The following ASTN2 variants were observed in gnomAD, a reference collection of about 807,000 sequenced individuals.
ASTN2 encodes the protein astrotactin 2, also known as astrotactin-2.
A neutral mutation model predicts 139.8 loss-of-function variants in ASTN2; 54 were observed. That is an observed-to-expected ratio of 0.39 (90% CI 0.31 to 0.48). The LOEUF is 0.48. ASTN2 is among the 20% of genes least tolerant of loss of function. ASTN2 has a pLI of 0.95. For synonymous variants in ASTN2, 756 were observed against 719.5 expected (o/e 1.05, Z -0.81); for missense variants, 1,565 against 1,725.1 (o/e 0.91, Z 1.64).
intron 13 of ASTN2, among the ~76,000 whole-genome samples, chr9:116,735,576 T>C (rs987737727): frequency 6.6e-6 from 1 of 152,206 alleles, no homozygotes; most frequent in African/African-American, 2.4e-5. Flanking sequence ...AGATTGATGT[T>C]TCCCCTTGTC....
intron 2 of ASTN2, among the ~76,000 whole-genome samples, chr9:117,226,102 A>C (rs897278502): frequency 1.3e-5 from 2 of 152,344 alleles, no homozygotes; most frequent in African/African-American, 4.8e-5. Context: ...AGAGAAAGTG[A>C]GGATAAAAAA....
At chr9:117,247,887 T>G (rs1287010573) in intron 2 of ASTN2, among the ~76,000 whole-genome samples, 2 of 152,180 alleles carry the variant, frequency 1.3e-5, no homozygotes, top group African/African-American at 4.8e-5. Flanking sequence ...CTGTTAGTAG[T>G]GACAATCCCT....
intron 16 of ASTN2, among the ~76,000 whole-genome samples, chr9:116,660,214 T>C (rs1243576889): frequency 6.9e-6 from 1 of 145,232 alleles, no homozygotes; most frequent in Admixed American, 7.0e-5. Context: ...ATTTGGGGAA[T>C]GGAAAGAAAA....
chr9:117,218,421 G>T (rs1832404288), intron 2 of ASTN2, among the ~76,000 whole-genome samples: 1 of 152,156 alleles, frequency 6.6e-6, no homozygotes, highest in South Asian at 2.1e-4. Context: ...TTTATTGCAA[G>T]AACTTGGTCA....
chr9:116,640,710 G>GT (rs542933804), intron 17 of ASTN2, among the ~76,000 whole-genome samples: 172 of 152,294 alleles, frequency 1.1e-3, no homozygotes, highest in Non-Finnish European at 1.7e-3. Flanking sequence ...AAGGACTTTG[G>GT]TTTTTATCTT....
intron 5 of ASTN2, among the ~76,000 whole-genome samples, chr9:117,070,824 C>T (rs1828097701): frequency 6.6e-6 from 1 of 151,754 alleles, no homozygotes; most frequent in African/African-American, 2.4e-5. Context: ...CTTCTGCATT[C>T]TTCACGTAGC....
intron 19 of ASTN2, chr9:116,546,660 G>A (rs564896595): frequency 6.6e-5 from 10 of 152,270 alleles, no homozygotes; most frequent in Admixed American, 5.2e-4. Flanking sequence ...TTGCCTCTTG[G>A]AACATTATAA....
At chr9:117,008,060 C>G in intron 7 of ASTN2, 32 bp downstream of exon 7, 1 of 1,537,622 alleles carries the variant, frequency 6.5e-7, no homozygotes, top group Non-Finnish European at 8.8e-7. Flanking sequence ...CCTCTCCCAC[C>G]TTCTATCCCC....
intron 3 of ASTN2, among the ~76,000 whole-genome samples, chr9:117,204,200 C>T (rs960932856): frequency 6.6e-6 from 1 of 152,162 alleles, no homozygotes; most frequent in Non-Finnish European, 1.5e-5. Flanking sequence ...GTGTAGCCTC[C>T]CTGGCTCCAC....
chr9:116,818,147 A>G (rs567721661), intron 12 of ASTN2, among the ~76,000 whole-genome samples: 6 of 152,348 alleles, frequency 3.9e-5, no homozygotes, highest in African/African-American at 1.4e-4. Flanking sequence ...CAAAGCACTT[A>G]GAACAGTCAT....
intron 7 of ASTN2, among the ~76,000 whole-genome samples, chr9:116,999,148 T>A (rs181700260): frequency 6.6e-5 from 10 of 152,354 alleles, no homozygotes; most frequent in Admixed American, 5.2e-4. Context: ...CAATTTGCTA[T>A]AAATGCCATT....
At chr9:116,513,165 T>C (rs1850478885) in intron 19 of ASTN2, among the ~76,000 whole-genome samples, 1 of 152,236 alleles carries the variant, frequency 6.6e-6, no homozygotes, top group Admixed American at 6.5e-5. Context: ...TGTTTAGTTC[T>C]TCTTTCAGGA....
chr9:116,704,357 AAATCATCCCC>A lies in ASTN2; in HGVS notation c.2806+21404_2806+21413del, dbSNP rs551594029. On this transcript the variant is annotated intron_variant, in intron 16 of 22. Transcript: ENST00000313400. ...GAACAACAACATCAACAAAAAACCC[AAATCATCCCC>A]AACTTGATATAATTGCTTCTCTACC... is the stretch of plus-strand genomic sequence containing the variant. Among the ~76,000 whole-genome samples, 1,072 of 152,318 alleles carry A rather than the reference AAATCATCCCC, an allele frequency of 7.0e-3. 6 individuals carry two copies. The highest frequency in any genetic ancestry group is 0.011 in the Non-Finnish European group (729 of 68,026).
intron 22 of ASTN2, among the ~76,000 whole-genome samples, chr9:116,434,014 C>T (rs1043739957): frequency 1.3e-5 from 2 of 152,060 alleles, no homozygotes; most frequent in South Asian, 2.1e-4. Flanking sequence ...TATATACTGT[C>T]GGTGGGGAAA....
At position 117,008,169 on chromosome 9, in the gene ASTN2, G is replaced by T; in HGVS notation, c.1514C>A (p.Ala505Asp). Residue 505 changes from alanine to aspartate, a missense_variant, in exon 7 of 23, where the codon GCC becomes GAC. Physicochemically the swap from Ala to Asp is moderately radical, Grantham distance 126. Around this residue, in one of 4 missense-constraint regions of ASTN2, gnomAD observed 503 missense variants for 591.7 expected, o/e 0.85. Transcript: ENST00000313400. ...GAGGTCCCTCACCCATGGGGAGGTG[G>T]CATTGATCTGGTAATACAGGGAAAG... ...AKLSLYYQIN[A>D]TSPWVRDLCG... 1 of 1,611,190 alleles carries T rather than the reference G, an allele frequency of 6.2e-7. No individual in the cohort carries two copies. Among genetic ancestry groups the T allele is most frequent in the Non-Finnish European group, 8.5e-7 (1 of 1,178,654 alleles).
At chr9:116,980,070 G>A (rs552514529) in intron 7 of ASTN2, among the ~76,000 whole-genome samples, 5 of 152,252 alleles carry the variant, frequency 3.3e-5, no homozygotes, top group East Asian at 3.9e-4. Flanking sequence ...CCTGGAGAAC[G>A]GAAAGTAGGC....
intron 10 of ASTN2, among the ~76,000 whole-genome samples, chr9:116,931,317 A>T (rs1241270701): frequency 6.6e-6 from 1 of 151,866 alleles, no homozygotes. Flanking sequence ...GTGGGTGGGG[A>T]TGGGGAGGTT....
At chr9:116,726,032 C>A in intron 15 of ASTN2, 82 bp from the exon 16 acceptor site, 1 of 1,406,130 alleles carries the variant, frequency 7.1e-7, no homozygotes, top group Non-Finnish European at 9.6e-7. Flanking sequence ...GGAGTTCTTC[C>A]CAACCTGTAT....
intron 17 of ASTN2, among the ~76,000 whole-genome samples, chr9:116,632,205 A>AGAGAGAG (rs1554723308): frequency 2.2e-5 from 1 of 45,300 alleles, no homozygotes; most frequent in Non-Finnish European, 3.8e-5. Context: ...AGAAAGAAAG[A>AGAGAGAG]AAAGAAAGAA....
Sources: gnomAD v4.1 joint callset for allele counts (sites outside exome capture counted in the v4.1 genomes callset) on GRCh38, gnomAD v4.1.1 for gene constraint, gnomAD v4.1.1 regional missense constraint, MANE v1.5 for transcripts, NCBI Gene and HGNC (gene_info 2026-07-23, HGNC 2026-07-21) for gene names.